Variants in LIMK2 observed in about 807,000 individuals in gnomAD.
LIMK2 encodes the protein LIM domain kinase 2.
Under a neutral mutation model 75.7 loss-of-function variants are expected in LIMK2, and 35 were observed. The ratio of observed to expected loss-of-function variants is 0.46; its 90% CI spans 0.35 to 0.61. The LOEUF (loss-of-function observed/expected upper bound fraction) is 0.61, where lower values mean the gene tolerates loss of function less well. Among genes scored for constraint, LIMK2 ranks in the 20% least tolerant of loss-of-function variants. The probability of loss-of-function intolerance (pLI) is 0.00; values close to 1 mark genes in which losing one functional copy is unlikely to be tolerated. For missense variants in LIMK2, 623 were observed against 831.0 expected (o/e 0.75, Z 3.08); for synonymous variants, 301 against 319.2 (o/e 0.94, Z 0.61).
Position 31,278,522 on chromosome 22 carries a change from G to A in LIMK2, c.*81G>A, listed in dbSNP as rs563467082. The A allele has an allele frequency of 3.0e-5, 43 of 1,423,830 alleles. No homozygotes were observed. In the Admixed American group the frequency reaches 3.7e-4, roughly 12 times the overall value. 88.2% of individuals were successfully genotyped at this position (1,423,830 alleles called of 1,614,324 possible). A position where few individuals can be genotyped will look rare whatever the true frequency, so the allele number is the denominator to read the frequency against. Reference sequence around the variant, plus strand: ...CCCCATTCCTGCTGTGAGCAGGGCCGTCCGGGCTTCCTGTGGATTGGCGGA... The same window carrying A: ...CCCCATTCCTGCTGTGAGCAGGGCCATCCGGGCTTCCTGTGGATTGGCGGA... On this transcript the variant is annotated 3_prime_UTR_variant, in exon 16 of 16. Transcript: ENST00000331728.
At chr22:31,245,876 A>C (rs2048663285) in intron 2 of LIMK2, among the ~76,000 whole-genome samples, 1 of 152,076 alleles carries the variant, frequency 6.6e-6, no homozygotes, top group Admixed American at 6.5e-5. Flanking sequence ...CAAAAAATAA[A>C]AAAAAATAAG....
rs1432877587 is a variant in LIMK2, at chr22:31,278,306, C to T, written c.1782C>T (p.Phe594=). 6.2e-7 allele frequency: 1 copy of T among 1,612,516 alleles called. No individual in the cohort carries two copies. Among genetic ancestry groups the T allele is most frequent in the Non-Finnish European group, 8.5e-7 (1 of 1,179,262 alleles). Residue 594 remains phenylalanine, a synonymous_variant, in exon 16 of 16, where the codon TTC becomes TTT. Coordinates refer to ENST00000331728, the MANE Select transcript of LIMK2 (RefSeq NM_005569.4). ...CRLEPESRPA[F]SKLEDSFEAL... ...CCTCTTTTCCTTCTAGACCAGCATT[C>T]TCGAAATTGGAGGACTCCTTTGAGG...
intron 2 of LIMK2, among the ~76,000 whole-genome samples, chr22:31,245,207 A>G (rs887352881): frequency 7.9e-5 from 12 of 152,268 alleles, no homozygotes; most frequent in African/African-American, 2.6e-4. Flanking sequence ...TCACTATTAG[A>G]GGTAGTAAAC....
In LIMK2 at chr22:31,243,612, C is replaced by T. The variant is rs1054467896; in HGVS notation, c.117-14679C>T. Among the ~76,000 whole-genome samples the T allele has an allele frequency of 5.3e-5, 8 of 152,292 alleles. 2 individuals are homozygous for T. Among genetic ancestry groups the T allele is most frequent in the Admixed American group, 5.2e-4 (8 of 15,290 alleles). ...TCTAAGGAGTCAGTTTGTTCAGCTCCGTGCCAGGTTTCCAACTTATGAAAT... is the reference window on the plus strand; with the variant it reads ...TCTAAGGAGTCAGTTTGTTCAGCTCTGTGCCAGGTTTCCAACTTATGAAAT... On this transcript the variant is annotated intron_variant, in intron 2 of 15. Transcript: ENST00000331728.
At chr22:31,227,638 T>C (rs1487305097) in intron 2 of LIMK2, among the ~76,000 whole-genome samples, 2 of 152,214 alleles carry the variant, frequency 1.3e-5, no homozygotes, top group African/African-American at 2.4e-5. Context: ...AGTTAAAGCC[T>C]TTGGCTGGTC....
chr22:31,234,773 C>T (rs998981261), intron 2 of LIMK2, among the ~76,000 whole-genome samples: 3 of 151,684 alleles, frequency 2.0e-5, no homozygotes, highest in Admixed American at 6.6e-5. Flanking sequence ...TAGAGCCCTC[C>T]GTAATGTGGC....
rs777847145 is a variant in LIMK2, at chr22:31,265,947, C to A, written c.856C>A (p.Arg286Ser). 35 of 1,613,622 alleles carry A rather than the reference C, an allele frequency of 2.2e-5. No homozygotes were observed. Among genetic ancestry groups the A allele is most frequent in the Non-Finnish European group, 2.9e-5 (34 of 1,179,714 alleles). ...EGTLRRRSLR[R>S]SNSISKSPGP... ...ACTCCCGTCTTTCCTCATCTTCAGG[C>A]GCAGTAACAGTATCTCCAAGTCCCC... The change falls in exon 8 of 16, where the codon CGC becomes AGC. Residue 286 changes from arginine to serine, a missense_variant and splice_region_variant. By Grantham distance (110) the Arg-to-Ser change is moderately radical (BLOSUM62 -1). Transcript: ENST00000331728.
rs1040739125 is a variant in LIMK2 at position 31,272,997 on chromosome 22, A to G, written c.1558+293A>G. The stretch of plus-strand genomic sequence containing the variant: ...GTCCCAGCTTTAGCCTTCTCTCTCC[A>G]TGGTGAGAACTGAAGTGTGGTGCCC... On this transcript the variant is annotated intron_variant, in intron 13 of 15. Coordinates refer to ENST00000331728, the MANE Select transcript of LIMK2 (RefSeq NM_005569.4). 175 of 1,188,730 alleles carry G rather than the reference A, an allele frequency of 1.5e-4. 1 individual carries two copies. Among genetic ancestry groups the G allele is most frequent in the Admixed American group, 5.4e-4 (13 of 23,916 alleles). 73.6% of individuals were successfully genotyped at this position (1,188,730 alleles called of 1,614,324 possible).
At position 31,262,364 on chromosome 22, in the gene LIMK2, G is replaced by A; in HGVS notation, c.657+125G>A. On this transcript the variant is annotated intron_variant, in intron 6 of 15. Transcript: ENST00000331728. This position sits in a 1 kb window ranked among gnomAD's most constrained non-coding sequence, Gnocchi z 5.0. ...CTCTTTGTCTTAGCATTGAGCCTGT[G>A]ACCACTGGTGACCTATTTCAGCGTA... The A allele has an allele frequency of 1.2e-6, 1 of 836,746 alleles. No individual in the cohort carries two copies. Among genetic ancestry groups the A allele is most frequent in the East Asian group, 2.6e-5 (1 of 38,458 alleles). The allele number at this position is 836,746 out of a possible 1,614,324, so 51.8% of individuals were successfully genotyped here.
At chr22:31,227,006 T>G (rs2048486136) in intron 2 of LIMK2, among the ~76,000 whole-genome samples, 1 of 152,242 alleles carries the variant, frequency 6.6e-6, no homozygotes, top group Admixed American at 6.5e-5. Flanking sequence ...AGTTTCTTCA[T>G]CTGGAAAATG....
intron 1 of LIMK2, among the ~76,000 whole-genome samples, chr22:31,214,654 C>T (rs530217625): frequency 6.6e-6 from 1 of 151,994 alleles, no homozygotes; most frequent in South Asian, 2.1e-4. Flanking sequence ...ATGCTGACCC[C>T]TGGAGATAAG....
chr22:31,226,766 C>T (rs139828174), intron 2 of LIMK2, among the ~76,000 whole-genome samples: 9 of 152,278 alleles, frequency 5.9e-5, no homozygotes, highest in South Asian at 2.1e-4. Flanking sequence ...CCTGCCACCA[C>T]GCCCAGCTAA....
intron 2 of LIMK2, among the ~76,000 whole-genome samples, chr22:31,255,951 A>G (rs1023141945): frequency 2.9e-5 from 4 of 138,646 alleles, no homozygotes; most frequent in African/African-American, 1.1e-4. Context: ...AGAAGTTAAC[A>G]CATACTGAGT....
At chr22:31,251,984 G>A (rs1024941754) in intron 2 of LIMK2, among the ~76,000 whole-genome samples, 13 of 152,180 alleles carry the variant, frequency 8.5e-5, no homozygotes, top group African/African-American at 3.1e-4. Flanking sequence ...GTTAAGGGAT[G>A]ACCATCCAGC....
intron 13 of LIMK2, chr22:31,272,926 G>A (rs1367164914): frequency 7.7e-7 from 1 of 1,299,578 alleles, no homozygotes; most frequent in African/African-American, 1.5e-5. Context: ...GGTGAGTTCT[G>A]ACTGTGGCAT....
intron 1 of LIMK2, among the ~76,000 whole-genome samples, chr22:31,212,719 C>A (rs1235824291): frequency 6.6e-6 from 1 of 152,120 alleles, no homozygotes; most frequent in Non-Finnish European, 1.5e-5. Context: ...CTGGGTCTGC[C>A]AGGAATCCAG....
At chr22:31,276,763 G>C (rs769065107) in intron 15 of LIMK2, 1 of 1,591,918 alleles carries the variant, frequency 6.3e-7, no homozygotes, top group African/African-American at 1.3e-5. Context: ...GGCAGTGGCG[G>C]CCAAGGACCA....
intron 1 of LIMK2, among the ~76,000 whole-genome samples, chr22:31,225,368 A>G (rs1010895607): frequency 6.6e-6 from 1 of 152,222 alleles, no homozygotes; most frequent in East Asian, 1.9e-4. Flanking sequence ...CTGACACTGA[A>G]AAGAAGGAGA....
At chr22:31,251,555 A>G (rs1397510441) in intron 2 of LIMK2, among the ~76,000 whole-genome samples, 1 of 152,174 alleles carries the variant, frequency 6.6e-6, no homozygotes, top group Non-Finnish European at 1.5e-5. Context: ...AACTACACAA[A>G]ATACTTGAAA....
Sources: gnomAD v4.1 joint callset for allele counts (sites outside exome capture counted in the v4.1 genomes callset) on GRCh38, gnomAD v4.1.1 for gene constraint, Gnocchi (gnomAD v3.1) non-coding constraint, MANE v1.5 for transcripts, NCBI Gene and HGNC (gene_info 2026-07-23, HGNC 2026-07-21) for gene names.